Variants in SLC8A1 observed in about 807,000 individuals in gnomAD.
SLC8A1 encodes sodium/calcium exchanger 1.
SLC8A1 carries 18 observed loss-of-function variants against 68.3 expected under a neutral mutation model. The ratio of observed to expected loss-of-function variants is 0.26; its 90% CI spans 0.18 to 0.39. The LOEUF (loss-of-function observed/expected upper bound fraction) is 0.39. Among genes scored for constraint, SLC8A1 ranks in the 10% least tolerant of loss-of-function variants. The pLI is 1.00. For missense variants in SLC8A1, 985 were observed against 1,156.7 expected (o/e 0.85, Z 2.15); for synonymous variants, 475 against 415.5 (o/e 1.14, Z -1.74).
chr2:40,294,588 C>G (rs1015415398), intron 2 of SLC8A1, among the ~76,000 whole-genome samples: 1 of 152,048 alleles, frequency 6.6e-6, no homozygotes, highest in Non-Finnish European at 1.5e-5. Context: ...ACATTCCTTA[C>G]AAAGGTCTAG....
intron 2 of SLC8A1, among the ~76,000 whole-genome samples, chr2:40,351,686 C>A (rs542478624): frequency 2.0e-5 from 3 of 152,186 alleles, no homozygotes; most frequent in African/African-American, 7.2e-5. Context: ...AAAATCTGCC[C>A]CTTTCTAAAT....
chr2:40,384,966 C>T (rs2149571354), intron 2 of SLC8A1, among the ~76,000 whole-genome samples: 1 of 152,106 alleles, frequency 6.6e-6, no homozygotes, highest in East Asian at 1.9e-4. Flanking sequence ...TAATGCCTGC[C>T]ACCACTTCTC....
intron 2 of SLC8A1, among the ~76,000 whole-genome samples, chr2:40,198,477 A>AATATATC: frequency 6.6e-6 from 1 of 152,020 alleles, no homozygotes; most frequent in African/African-American, 2.4e-5. Flanking sequence ...TATCACTTCT[A>AATATATC]TAAAATATTT....
chr2:40,267,841 CAG>C (rs1419429340), intron 2 of SLC8A1, among the ~76,000 whole-genome samples: 1 of 152,138 alleles, frequency 6.6e-6, no homozygotes, highest in Non-Finnish European at 1.5e-5. Flanking sequence ...AACTGTTTTG[CAG>C]AGAGTCCCTT....
intron 2 of SLC8A1, among the ~76,000 whole-genome samples, chr2:40,216,517 C>G (rs1237821957): frequency 6.6e-6 from 1 of 152,174 alleles, no homozygotes. Flanking sequence ...AGTGTATACC[C>G]TGTAATGGGA....
intron 2 of SLC8A1, among the ~76,000 whole-genome samples, chr2:40,323,954 C>T (rs191837164): frequency 1.9e-3 from 289 of 151,168 alleles, no homozygotes; most frequent in Middle Eastern, 3.4e-3. Flanking sequence ...TGCTTATTTC[C>T]GTGCATACTT....
chr2:40,123,947 A>C (rs564972668), intron 7 of SLC8A1, among the ~76,000 whole-genome samples: 10 of 152,236 alleles, frequency 6.6e-5, no homozygotes, highest in African/African-American at 2.4e-4. Flanking sequence ...CTCCCTTCCC[A>C]ATAATCTCCC....
intron 6 of SLC8A1, among the ~76,000 whole-genome samples, chr2:40,143,591 T>A (rs892738542): frequency 6.6e-6 from 1 of 152,194 alleles, no homozygotes; most frequent in Non-Finnish European, 1.5e-5. Context: ...TGATACACAC[T>A]GGACTTCTTA....
At chr2:40,122,945 A>G (rs2037248686) in intron 7 of SLC8A1, among the ~76,000 whole-genome samples, 1 of 152,208 alleles carries the variant, frequency 6.6e-6, no homozygotes, top group Admixed American at 6.5e-5. Context: ...AAAGAAATTT[A>G]TTCTAATTAA....
At chr2:40,321,298 C>T (rs1051792375) in intron 2 of SLC8A1, among the ~76,000 whole-genome samples, 3 of 151,858 alleles carry the variant, frequency 2.0e-5, no homozygotes, top group Non-Finnish European at 4.4e-5. Flanking sequence ...ATGGTTTGCA[C>T]AAGTAAATTA....
chr2:40,471,584 A>G (rs1703991361), intron 1 of SLC8A1, among the ~76,000 whole-genome samples: 1 of 152,122 alleles, frequency 6.6e-6, no homozygotes, highest in South Asian at 2.1e-4. Context: ...TTGCTGCCTA[A>G]AAATAATGTT....
rs1450528951 is a variant in SLC8A1 at position 40,439,858 on chromosome 2, TAAGG to T, written c.-24-9558_-24-9555del. On this transcript the variant is annotated intron_variant, in intron 1 of 7. Transcript: ENST00000406785. ...AAAGTCAAGGTGATGGGTGCTCACATAAGGGTGACTCTCCATCAGTGTTGTATGC... is the reference window on the plus strand; with the variant it reads ...AAAGTCAAGGTGATGGGTGCTCACATGTGACTCTCCATCAGTGTTGTATGC... 2.6e-5 allele frequency among the ~76,000 whole-genome samples: 4 copies of T among 152,276 alleles called. No homozygotes were observed. The East Asian group carries it at 7.7e-4, about 29-fold the overall frequency.
chr2:40,424,388 C>T (rs1696320775), intron 2 of SLC8A1, among the ~76,000 whole-genome samples: 1 of 151,534 alleles, frequency 6.6e-6, no homozygotes, highest in Non-Finnish European at 1.5e-5. Flanking sequence ...AACACAGGTC[C>T]CATAAATAGC....
At chr2:40,496,449 C>G (rs1316287173) in intron 1 of SLC8A1, among the ~76,000 whole-genome samples, 2 of 152,060 alleles carry the variant, frequency 1.3e-5, no homozygotes, top group African/African-American at 4.8e-5. Flanking sequence ...GCTAAAAATG[C>G]TAATGGAAGC....
chr2:40,369,794 G>A (rs1677442080), intron 2 of SLC8A1, among the ~76,000 whole-genome samples: 3 of 151,980 alleles, frequency 2.0e-5, no homozygotes. Flanking sequence ...ATCTGTGGTT[G>A]GGCCTGACAG....
chr2:40,344,277 C>T (rs1321515870), intron 2 of SLC8A1, among the ~76,000 whole-genome samples: 1 of 152,170 alleles, frequency 6.6e-6, no homozygotes, highest in Non-Finnish European at 1.5e-5. Flanking sequence ...CTGCTGATTT[C>T]ATGCACTATT....
intron 2 of SLC8A1, among the ~76,000 whole-genome samples, chr2:40,329,584 T>C (rs1279234722): frequency 1.3e-5 from 2 of 152,154 alleles, no homozygotes; most frequent in Non-Finnish European, 2.9e-5. Flanking sequence ...TTACTAATGA[T>C]TTTTCTTTCC....
exon 2 of SLC8A1, chr2:40,429,406 T>C (rs1297691381): frequency 6.2e-7 from 1 of 1,613,842 alleles, no homozygotes; most frequent in Admixed American, 1.7e-5. Context: ...CACTTTCCCG[T>C]CCATTTCAAT....
At chr2:40,231,467 G>A (rs1450384236) in intron 2 of SLC8A1, among the ~76,000 whole-genome samples, 3 of 151,860 alleles carry the variant, frequency 2.0e-5, no homozygotes, top group Non-Finnish European at 4.4e-5. Context: ...TCTCTAAATG[G>A]CTATATCTAG....
Sources: allele counts gnomAD v4.1 joint callset (sites outside exome capture counted in the v4.1 genomes callset), GRCh38; gene constraint gnomAD v4.1.1; transcripts MANE v1.5; gene names NCBI Gene and HGNC (gene_info 2026-07-23, HGNC 2026-07-21).